The following TRAK1 variants were observed in gnomAD, a reference collection of about 807,000 sequenced individuals.
The protein encoded by TRAK1 is trafficking kinesin protein 1, also known as trafficking kinesin-binding protein 1.
Under a neutral mutation model 92.1 loss-of-function variants are expected in TRAK1, and 33 were observed. The observed-to-expected ratio is 0.36, with a 90% CI of 0.27 to 0.48. The LOEUF (loss-of-function observed/expected upper bound fraction) is 0.48, where lower values mean the gene tolerates loss of function less well. Ranked by LOEUF, TRAK1 falls within the 20% of genes least tolerant of loss-of-function variation. The pLI is 0.99. For missense variants in TRAK1, 1,123 were observed against 1,257.9 expected, an observed-to-expected ratio of 0.89 and a Z score of 1.62; for synonymous variants, 521 against 517.3, an observed-to-expected ratio of 1.01 and a Z score of -0.10.
Position 42,223,841 on chromosome 3 carries a change from T to C in TRAK1, c.*104T>C. 2 of 1,293,572 alleles carry C rather than the reference T, an allele frequency of 1.5e-6. No homozygotes were observed. Among genetic ancestry groups the C allele is most frequent in the Non-Finnish European group, 2.1e-6 (2 of 933,420 alleles). The allele number at this position is 1,293,572 out of a possible 1,614,324, so 80.1% of individuals were successfully genotyped here. On this transcript the variant is annotated 3_prime_UTR_variant, in exon 16 of 16. Transcript: ENST00000327628. The surrounding 1 kb of genome is among the most constrained non-coding windows in gnomAD (Gnocchi z 6.1). ...AGTGCACTCCCTCCCTCTGCCCTTC[T>C]CTGTCCACCCCCTCCTAAGCTAGAC... is the stretch of plus-strand genomic sequence containing the variant.
intron 3 of TRAK1, 53 bp downstream of exon 3, chr3:42,176,943 T>A: frequency 2.7e-6 from 4 of 1,503,236 alleles, no homozygotes; most frequent in Middle Eastern, 1.7e-4. Context: ...CTGGTTTTCA[T>A]GGATACTGAT....
chr3:42,014,005 A>G (rs1392354585), exon 1 of TRAK1: 2 of 149,402 alleles, frequency 1.3e-5, no homozygotes, highest in East Asian at 4.0e-4. Flanking sequence ...AGCGGAGGGA[A>G]CCGAAGCCGC....
intron 2 of TRAK1, among the ~76,000 whole-genome samples, chr3:42,176,342 A>G (rs1000222073): frequency 1.3e-5 from 2 of 152,196 alleles, no homozygotes; most frequent in African/African-American, 4.8e-5. Context: ...GTTTAAGACT[A>G]TTGTTTAATA....
rs1466980168 is a variant in TRAK1 at position 42,223,469 on chromosome 3, C to T, written c.2594C>T (p.Thr865Ile). 2.5e-6 allele frequency: 4 copies of T among 1,613,976 alleles called. No homozygotes were observed. The highest frequency in any genetic ancestry group is 8.5e-7 in the Non-Finnish European group (1 of 1,180,028). Residue 865 changes from threonine (T) to isoleucine (I), a missense_variant, in exon 16 of 16, where the codon ACC (threonine) becomes ATC (isoleucine). This residue lies in a region of TRAK1 where 401 missense variants were observed against 438.9 expected (regional missense o/e 0.91). Coordinates refer to ENST00000327628, the MANE Select transcript of TRAK1 (RefSeq NM_001042646.3). The surrounding 1 kb of genome is among the most constrained non-coding windows in gnomAD (Gnocchi z 6.1). The stretch of plus-strand genomic sequence containing the variant: ...AACTCAGGGCGAGCCCATGTCCCCA[C>T]CTTGACTGAGGAGCAGGGACCCCTC... The part of the protein sequence containing the change: ...VVNSGRAHVP[T>I]LTEEQGPLLC...
intron 1 of TRAK1, among the ~76,000 whole-genome samples, chr3:42,022,434 A>G (rs1380557474): frequency 6.6e-6 from 1 of 152,210 alleles, no homozygotes; most frequent in Non-Finnish European, 1.5e-5. Flanking sequence ...GTCTTGTTAA[A>G]TAACTGGCCG....
At chr3:42,070,616 A>G (rs1314383489) in intron 1 of TRAK1, among the ~76,000 whole-genome samples, 1 of 151,938 alleles carries the variant, frequency 6.6e-6, no homozygotes, top group Non-Finnish European at 1.5e-5. Flanking sequence ...TTTTGTAGAG[A>G]TGAGGCCTCA....
At chr3:42,111,541 G>A (rs926901116) in intron 1 of TRAK1, among the ~76,000 whole-genome samples, 4 of 151,834 alleles carry the variant, frequency 2.6e-5, no homozygotes, top group Non-Finnish European at 4.4e-5. Flanking sequence ...GACTACAGGC[G>A]CCCACTACCA....
At chr3:42,184,608 T>C in intron 3 of TRAK1, 77 bp from the exon 4 acceptor site, 6 of 1,361,454 alleles carry the variant, frequency 4.4e-6, no homozygotes, top group Non-Finnish European at 5.1e-6. Flanking sequence ...GTTTTCCTCA[T>C]TTGACACTGA....
intron 1 of TRAK1, among the ~76,000 whole-genome samples, chr3:42,015,394 G>C (rs1406523600): frequency 6.6e-6 from 1 of 152,006 alleles, no homozygotes. Context: ...CCAGGGACCA[G>C]TTTCCCATCC....
At chr3:42,092,681 T>TTGTTTTGTTG (rs750189192) in intron 1 of TRAK1, among the ~76,000 whole-genome samples, 29,983 of 128,536 alleles carry the variant, frequency 0.23, 4,512 homozygotes, top group South Asian at 0.31. Context: ...TCCTTTTATT[T>TTGTTTTGTTG]TGTTGTGTTG....
At chr3:42,085,693 A>G (rs538731404), upstream of TRAK1, among the ~76,000 whole-genome samples, 5 of 152,346 alleles carry the variant, frequency 3.3e-5, no homozygotes, top group East Asian at 7.7e-4. Flanking sequence ...ACGATAATGC[A>G]TCATTTATTA....
intron 6 of TRAK1, among the ~76,000 whole-genome samples, chr3:42,189,679 T>C (rs1359679713): frequency 2.7e-4 from 41 of 152,088 alleles, no homozygotes; most frequent in Admixed American, 2.7e-3. Context: ...TACAGACGCA[T>C]GCCACCATGC....
intron 2 of TRAK1, among the ~76,000 whole-genome samples, chr3:42,175,894 A>T (rs1412469406): frequency 6.6e-6 from 1 of 152,210 alleles, no homozygotes; most frequent in Non-Finnish European, 1.5e-5. Flanking sequence ...TCCCAAAGTG[A>T]CAGGTTTCAA....
intron 1 of TRAK1, among the ~76,000 whole-genome samples, chr3:42,110,156 G>GGACACTAAAAAT (rs1708195156): frequency 8.0e-6 from 1 of 124,342 alleles, no homozygotes; most frequent in East Asian, 2.3e-4. Flanking sequence ...TTGCAAAATT[G>GGACACTAAAAAT]GACACTAAAA....
chr3:42,052,519 G>A (rs1478457870), intron 1 of TRAK1, among the ~76,000 whole-genome samples: 1 of 152,178 alleles, frequency 6.6e-6, no homozygotes, highest in Non-Finnish European at 1.5e-5. Context: ...CCAGCTTAAG[G>A]CCTCTTATGC....
At chr3:42,110,362 G>C (rs1708222284) in intron 1 of TRAK1, among the ~76,000 whole-genome samples, 2 of 151,692 alleles carry the variant, frequency 1.3e-5, no homozygotes, top group African/African-American at 4.9e-5. Context: ...GCTAAGGTGA[G>C]CACAGGAGAA....
intron 1 of TRAK1, among the ~76,000 whole-genome samples, chr3:42,120,836 G>A (rs535930275): frequency 4.6e-5 from 7 of 152,152 alleles, no homozygotes; most frequent in South Asian, 2.1e-4. Flanking sequence ...GTGAGCCACC[G>A]CGCCCGGCTA....
At chr3:42,025,183 G>A (rs920402751) in intron 1 of TRAK1, among the ~76,000 whole-genome samples, 1 of 152,120 alleles carries the variant, frequency 6.6e-6, no homozygotes, top group Non-Finnish European at 1.5e-5. Flanking sequence ...TTTCCTCCTA[G>A]CAATATGCCT....
At chr3:42,220,248 C>T (rs747239731) in intron 15 of TRAK1, among the ~76,000 whole-genome samples, 1 of 152,142 alleles carries the variant, frequency 6.6e-6, no homozygotes, top group Admixed American at 6.5e-5. Flanking sequence ...GCCATGTGCC[C>T]AGCATGGTCC....
Sources: gnomAD v4.1 joint callset for allele counts (sites outside exome capture counted in the v4.1 genomes callset) on GRCh38, gnomAD v4.1.1 for gene constraint, gnomAD v4.1.1 regional missense constraint, Gnocchi (gnomAD v3.1) non-coding constraint, MANE v1.5 for transcripts, NCBI Gene and HGNC (gene_info 2026-07-23, HGNC 2026-07-21) for gene names.